Variants in PLAAT1 observed in about 807,000 individuals in gnomAD.
The protein encoded by PLAAT1 is H-REV107 protein-related protein.
PLAAT1 carries 13 observed loss-of-function variants against 16.4 expected under a neutral mutation model. The observed-to-expected ratio is 0.79, with a 90% CI of 0.52 to 1.26. The LOEUF is 1.26. PLAAT1 is among the 50% of genes most tolerant of loss of function. The pLI, the probability that PLAAT1 is intolerant of heterozygous loss-of-function variation, is 0.00. For synonymous variants in PLAAT1, 73 were observed against 78.4 expected (o/e 0.93, Z 0.36); for missense variants, 218 against 207.8 (o/e 1.05, Z -0.30).
intron 1 of PLAAT1, among the ~76,000 whole-genome samples, chr3:193,246,077 A>G (rs1473747373): frequency 6.6e-6 from 1 of 152,224 alleles, no homozygotes; most frequent in Non-Finnish European, 1.5e-5. Flanking sequence ...TGCTCTAGCT[A>G]GGACTTCCAG....
intron 1 of PLAAT1, among the ~76,000 whole-genome samples, chr3:193,250,871 T>G (rs761531056): frequency 1.3e-5 from 2 of 151,700 alleles, no homozygotes; most frequent in Non-Finnish European, 2.9e-5. Flanking sequence ...AATTGGAGAT[T>G]AAAGGAGTTT....
chr3:193,269,018 G>A lies in PLAAT1; in HGVS notation c.406-1586G>A, dbSNP rs1299453511. On this transcript the variant is annotated intron_variant, in intron 3 of 3. Coordinates refer to ENST00000264735, the MANE Select transcript of PLAAT1 (RefSeq NM_020386.5). ...CCATTTCTCTCTATTAGACCTTCTTGGGATCTCACTATCTGCTGGAATTGT... is the reference window on the plus strand; with the variant it reads ...CCATTTCTCTCTATTAGACCTTCTTAGGATCTCACTATCTGCTGGAATTGT... Among the ~76,000 whole-genome samples the A allele has an allele frequency of 2.0e-5, 3 of 151,522 alleles. No individual in the cohort carries two copies. The East Asian group carries it at 5.8e-4, about 29-fold the overall frequency.
intron 1 of PLAAT1, among the ~76,000 whole-genome samples, chr3:193,247,570 C>T (rs1388453415): frequency 3.9e-5 from 6 of 152,176 alleles, no homozygotes; most frequent in African/African-American, 1.4e-4. Context: ...TATTCCTGGT[C>T]ATGAGACAAG....
chr3:193,268,282 G>A (rs377622511), intron 3 of PLAAT1, among the ~76,000 whole-genome samples: 3 of 152,132 alleles, frequency 2.0e-5, no homozygotes, highest in African/African-American at 4.8e-5. Context: ...ATGGTGCTTC[G>A]GTGCATATGA....
chr3:193,257,171 G>C (rs1445863001), intron 2 of PLAAT1, among the ~76,000 whole-genome samples: 1 of 152,114 alleles, frequency 6.6e-6, no homozygotes, highest in Non-Finnish European at 1.5e-5. Flanking sequence ...AGAGCTAACT[G>C]TAACTACCTG....
intron 3 of PLAAT1, among the ~76,000 whole-genome samples, chr3:193,265,464 G>A (rs1461520392): frequency 6.6e-6 from 1 of 152,150 alleles, no homozygotes; most frequent in Non-Finnish European, 1.5e-5. Context: ...TAAATTAGTG[G>A]TTGCCTGGGG....
downstream of PLAAT1, chr3:193,274,758 C>T (rs1368756212): frequency 1.1e-5 from 5 of 448,170 alleles, no homozygotes; most frequent in East Asian, 2.0e-4. Context: ...GACTACAGTA[C>T]CATGACAGCT....
intron 1 of PLAAT1, among the ~76,000 whole-genome samples, chr3:193,249,527 C>T (rs1200861457): frequency 1.3e-5 from 2 of 152,068 alleles, no homozygotes; most frequent in African/African-American, 4.8e-5. Context: ...TGCTTTAAGT[C>T]AGTTTCCAAG....
At chr3:193,253,151 T>C (rs774748732) in intron 1 of PLAAT1, among the ~76,000 whole-genome samples, 3 of 152,216 alleles carry the variant, frequency 2.0e-5, no homozygotes, top group Non-Finnish European at 2.9e-5. Context: ...TCCCTTGCTA[T>C]GATTCTAAGT....
At chr3:193,257,924 C>T (rs1015192161) in intron 2 of PLAAT1, among the ~76,000 whole-genome samples, 4 of 151,896 alleles carry the variant, frequency 2.6e-5, no homozygotes, top group African/African-American at 9.7e-5. Flanking sequence ...GATTCTTGGA[C>T]CTACACCAGT....
chr3:193,262,888 A>G, intron 2 of PLAAT1, 82 bp from the exon 3 acceptor site: 1 of 1,403,084 alleles, frequency 7.1e-7, no homozygotes, highest in Non-Finnish European at 9.9e-7. Context: ...TAGACATGCC[A>G]GCATTTCCAA....
chr3:193,255,541 A>G, intron 1 of PLAAT1, 110 bp from the exon 2 acceptor site: 1 of 1,060,570 alleles, frequency 9.4e-7, no homozygotes. Flanking sequence ...TCTTTAATAT[A>G]GAATGCAGTC....
upstream of PLAAT1, chr3:193,241,176 G>C: frequency 1.6e-6 from 2 of 1,214,170 alleles, no homozygotes; most frequent in Middle Eastern, 3.2e-4. Context: ...GGTCTAGCCG[G>C]AGCGACTGTG....
chr3:193,243,832 G>A (rs993953112), intron 1 of PLAAT1, among the ~76,000 whole-genome samples: 1 of 152,134 alleles, frequency 6.6e-6, no homozygotes, highest in Non-Finnish European at 1.5e-5. Context: ...CCCACTTGTT[G>A]GCCTTTTATA....
chr3:193,250,379 C>T (rs1315209305), intron 1 of PLAAT1, among the ~76,000 whole-genome samples: 1 of 152,122 alleles, frequency 6.6e-6, no homozygotes, highest in East Asian at 1.9e-4. Flanking sequence ...TTTAATCTCC[C>T]ACTCATTCTG....
intron 2 of PLAAT1, among the ~76,000 whole-genome samples, chr3:193,261,514 A>G (rs898629419): frequency 1.4e-4 from 21 of 152,212 alleles, no homozygotes; most frequent in African/African-American, 5.1e-4. Context: ...GCAACATTTT[A>G]AAGTATTTGC....
At chr3:193,280,111 C>A (rs1300546568), downstream of PLAAT1, among the ~76,000 whole-genome samples, 1 of 151,082 alleles carries the variant, frequency 6.6e-6, no homozygotes, top group Non-Finnish European at 1.5e-5. Context: ...AGTGCAGTGG[C>A]ACGATCTTGG....
Position 193,270,814 on chromosome 3 carries a change from G to C in PLAAT1, c.*109G>C. The C allele has an allele frequency of 7.1e-7, 1 of 1,415,708 alleles. No homozygotes were observed. The highest frequency in any genetic ancestry group is 9.2e-7 in the Non-Finnish European group (1 of 1,081,348). 87.7% of individuals were successfully genotyped at this position (1,415,708 alleles called of 1,614,324 possible). On this transcript the variant is annotated 3_prime_UTR_variant, in exon 4 of 4. Coordinates refer to ENST00000264735, the MANE Select transcript of PLAAT1 (RefSeq NM_020386.5). ...ATTACTGTTCCAGATTCCTATGATG[G>C]ATGGCAGACTCTTTAATAAATTGCT...
intron 3 of PLAAT1, among the ~76,000 whole-genome samples, chr3:193,265,923 C>T (rs1209401746): frequency 6.6e-6 from 1 of 152,094 alleles, no homozygotes; most frequent in Non-Finnish European, 1.5e-5. Context: ...TTGTTCACTG[C>T]ACTAACCAAG....
Sources: gnomAD v4.1 joint callset for allele counts (sites outside exome capture counted in the v4.1 genomes callset) on GRCh38, gnomAD v4.1.1 for gene constraint, MANE v1.5 for transcripts, NCBI Gene and HGNC (gene_info 2026-07-23, HGNC 2026-07-21) for gene names.